Variants in GPHN observed in about 807,000 individuals in gnomAD.
The protein encoded by GPHN is gephyrin.
In GPHN, 17 loss-of-function variants were observed where a neutral mutation model predicts 95.5. The ratio of observed to expected loss-of-function variants is 0.18; its 90% CI spans 0.12 to 0.27. The LOEUF is 0.27. Ranked by LOEUF, GPHN falls within the 10% of genes least tolerant of loss-of-function variation. GPHN has a pLI of 1.00. For missense variants in GPHN, 660 were observed against 978.1 expected (o/e 0.67, Z 4.34); for synonymous variants, 320 against 322.5 (o/e 0.99, Z 0.08).
chr14:67,169,175 A>T, intron 21 of GPHN, 139 bp downstream of exon 21: 3 of 684,142 alleles, frequency 4.4e-6, no homozygotes, highest in Non-Finnish European at 7.9e-6. Context: ...CCCCCTGTGT[A>T]CTAGAAAATG....
chr14:66,655,594 T>A (rs1260309133), intron 1 of GPHN, among the ~76,000 whole-genome samples: 1 of 152,114 alleles, frequency 6.6e-6, no homozygotes, highest in African/African-American at 2.4e-5. Context: ...CTTATTTCCT[T>A]TTATTGCCTT....
At chr14:67,197,987 T>C in the GPHN span, 15 of 667,494 alleles carry the variant, frequency 2.2e-5, no homozygotes, top group South Asian at 3.2e-4. Context: ...CAGTCCTGTT[T>C]AGATGTATGT....
At chr14:66,574,547 G>C (rs989898793) in intron 1 of GPHN, among the ~76,000 whole-genome samples, 1 of 152,162 alleles carries the variant, frequency 6.6e-6, no homozygotes, top group African/African-American at 2.4e-5. Flanking sequence ...CTTTCAACTA[G>C]ATTTCTCTTT....
chr14:67,584,204 C>T, the GPHN span: 1 of 1,441,348 alleles, frequency 6.9e-7, no homozygotes. Context: ...CAATTTGCAG[C>T]CCCTACCTCC....
chr14:66,895,994 C>A (rs764443565), intron 5 of GPHN, among the ~76,000 whole-genome samples: 2 of 152,070 alleles, frequency 1.3e-5, no homozygotes, highest in Admixed American at 6.6e-5. Flanking sequence ...TCAAGGTGCC[C>A]GCAGATTCAG....
the GPHN span, among the ~76,000 whole-genome samples, chr14:67,252,763 A>G: frequency 8.5e-5 from 13 of 152,298 alleles, no homozygotes; most frequent in Middle Eastern, 3.4e-3. Flanking sequence ...CTTGGTTTCA[A>G]TTTGTACTTT....
At chr14:67,675,216 A>G in the GPHN span, among the ~76,000 whole-genome samples, 3 of 152,020 alleles carry the variant, frequency 2.0e-5, no homozygotes, top group African/African-American at 7.2e-5. Context: ...AAGCTTTCAG[A>G]AGTGGAACCC....
chr14:67,138,042 T>C (rs2080205840), intron 17 of GPHN, among the ~76,000 whole-genome samples: 1 of 152,204 alleles, frequency 6.6e-6, no homozygotes, highest in Non-Finnish European at 1.5e-5. Context: ...ATAAGATTTA[T>C]ATATTTATAT....
intron 8 of GPHN, among the ~76,000 whole-genome samples, chr14:66,929,082 G>A (rs1342839580): frequency 7.1e-6 from 1 of 139,966 alleles, no homozygotes; most frequent in Non-Finnish European, 1.5e-5. Context: ...TTAAGATAGA[G>A]TCTTGCTTTG....
chr14:66,972,525 C>T (rs932398559), intron 9 of GPHN, among the ~76,000 whole-genome samples: 1 of 151,878 alleles, frequency 6.6e-6, no homozygotes, highest in African/African-American at 2.4e-5. Context: ...TTCCTTGAGA[C>T]AACCACCATC....
chr14:67,365,402 A>G, the GPHN span, among the ~76,000 whole-genome samples: 6 of 152,254 alleles, frequency 3.9e-5, no homozygotes, highest in African/African-American at 1.4e-4. Context: ...CTGGGTAAGC[A>G]TGAAAATGGG....
At chr14:67,708,084 T>C in the GPHN span, among the ~76,000 whole-genome samples, 1 of 152,182 alleles carries the variant, frequency 6.6e-6, no homozygotes, top group African/African-American at 2.4e-5. Context: ...TTACAAATAC[T>C]CACAAATAAT....
chr14:66,724,692 T>C (rs1375696961), intron 2 of GPHN, among the ~76,000 whole-genome samples: 1 of 152,214 alleles, frequency 6.6e-6, no homozygotes, highest in Non-Finnish European at 1.5e-5. Flanking sequence ...CATTAAGTCC[T>C]TCCTACACGT....
At chr14:67,561,994 G>A in the GPHN span, 80 of 1,613,714 alleles carry the variant, frequency 5.0e-5, no homozygotes, top group East Asian at 2.7e-4. Flanking sequence ...CATAATCAGC[G>A]CCTGGTGGAG....
At chr14:66,627,021 A>T (rs1430539944) in intron 1 of GPHN, among the ~76,000 whole-genome samples, 1 of 152,032 alleles carries the variant, frequency 6.6e-6, no homozygotes, top group African/African-American at 2.4e-5. Flanking sequence ...ATTATAATTG[A>T]CTATAGATCT....
chr14:66,513,163 C>T (rs1247534241), intron 1 of GPHN, among the ~76,000 whole-genome samples: 4 of 151,584 alleles, frequency 2.6e-5, no homozygotes, highest in Non-Finnish European at 5.9e-5. Flanking sequence ...GTACTATTAT[C>T]ATTGGTCAAA....
chr14:66,558,707 T>C (rs1045762741), intron 1 of GPHN, among the ~76,000 whole-genome samples: 1 of 152,100 alleles, frequency 6.6e-6, no homozygotes, highest in African/African-American at 2.4e-5. Context: ...TAAGTTAATC[T>C]TGAATTAACA....
chr14:67,239,258 T>G, the GPHN span, among the ~76,000 whole-genome samples: 1 of 152,298 alleles, frequency 6.6e-6, no homozygotes, highest in South Asian at 2.1e-4. Context: ...AAAGAGGTCC[T>G]TTCTTTGAAC....
intron 4 of GPHN, among the ~76,000 whole-genome samples, chr14:66,874,693 A>C (rs2063576536): frequency 6.6e-6 from 1 of 152,226 alleles, no homozygotes; most frequent in South Asian, 2.1e-4. Flanking sequence ...TAAAGCATGA[A>C]GACAAGATTA....
Sources: gnomAD v4.1 joint callset for allele counts (sites outside exome capture counted in the v4.1 genomes callset) on GRCh38, gnomAD v4.1.1 for gene constraint, MANE v1.5 for transcripts, NCBI Gene and HGNC (gene_info 2026-07-23, HGNC 2026-07-21) for gene names.